Variants in PDXDC1 observed in about 807,000 individuals in gnomAD.
PDXDC1 encodes pyridoxal dependent decarboxylase domain containing 1.
PDXDC1 carries 42 observed loss-of-function variants against 100.1 expected under a neutral mutation model. That is an observed-to-expected ratio of 0.42 (90% CI 0.33 to 0.54). PDXDC1 has a LOEUF of 0.54. Among genes scored for constraint, PDXDC1 ranks in the 20% least tolerant of loss-of-function variants. The pLI is 0.10. For missense variants in PDXDC1, 636 were observed against 979.2 expected (o/e 0.65, Z 4.68); for synonymous variants, 260 against 371.7 (o/e 0.70, Z 3.46).
At chr16:15,047,638 C>G (rs2044129454) in intron 16 of PDXDC1, 2 of 1,053,336 alleles carry the variant, frequency 1.9e-6, no homozygotes, top group Admixed American at 3.4e-5. Flanking sequence ...TCCGGACCGC[C>G]TCATCTTTGA....
intron 19 of PDXDC1, among the ~76,000 whole-genome samples, chr16:15,033,780 C>T (rs1189254771): frequency 6.6e-6 from 1 of 152,196 alleles, no homozygotes; most frequent in Non-Finnish European, 1.5e-5. Context: ...TGTGGTTCCC[C>T]CTACACCCCT....
rs377019870 is a variant in PDXDC1, at chr16:15,047,201, A to T, written c.1399+17145A>T. On this transcript the variant is annotated intron_variant, in intron 16 of 16. Transcript: ENST00000535621. The stretch of plus-strand genomic sequence containing the variant: ...CCTCGACGTTCCTGAGACGACATCA[A>T]GTTCAAAGTCAAGCCTTCCATCTCA... The T allele has an allele frequency of 3.4e-5, 18 of 523,616 alleles. No homozygotes were observed. The South Asian group carries it at 4.0e-4, about 12-fold the overall frequency. The allele number at this position is 523,616 out of a possible 1,614,324, so 32.4% of individuals were successfully genotyped here.
intron 16 of PDXDC1, among the ~76,000 whole-genome samples, chr16:15,124,259 C>T (rs1416686558): frequency 6.6e-6 from 1 of 152,208 alleles, no homozygotes; most frequent in African/African-American, 2.4e-5. Context: ...TTTCCTGGCC[C>T]TGTCCTCAGC....
chr16:15,040,218 G>GA, downstream of PDXDC1: 1 of 445,926 alleles, frequency 2.2e-6, no homozygotes, highest in East Asian at 3.4e-5. Context: ...CCTGGAGGGG[G>GA]AAAATGCAAC....
At chr16:15,041,492 AG>A, downstream of PDXDC1, 1 of 760,098 alleles carries the variant, frequency 1.3e-6, no homozygotes, top group Admixed American at 1.8e-5. Context: ...ATCCCACCAC[AG>A]GAAGAGCCGG....
At chr16:15,091,558 C>T (rs1291895958) in intron 16 of PDXDC1, among the ~76,000 whole-genome samples, 1 of 151,258 alleles carries the variant, frequency 6.6e-6, no homozygotes, top group African/African-American at 2.4e-5. Context: ...AGCCAGAGGG[C>T]TTGGAAAAAG....
At position 15,098,539 on chromosome 16, in the gene PDXDC1, C is replaced by T. The variant is rs577535386; in HGVS notation, c.1400-40340C>T. 2.0e-5 allele frequency among the ~76,000 whole-genome samples: 3 copies of T among 152,050 alleles called. No homozygotes were observed. In the South Asian group the frequency reaches 6.2e-4, roughly 32 times the overall value. ...CTATTTAGAAATTGTTCATCTGGAT[C>T]CTCCCTACCTTTCAGCCATTTGCAA... is the stretch of plus-strand genomic sequence containing the variant. On this transcript the variant is annotated intron_variant, in intron 16 of 16. Transcript: ENST00000535621.
At chr16:15,039,946 A>C, downstream of PDXDC1, 1 of 1,421,142 alleles carries the variant, frequency 7.0e-7, no homozygotes. Context: ...TTAACCCCTT[A>C]ACAAAGATGA....
At chr16:15,011,001 C>T (rs1406775610) in intron 8 of PDXDC1, among the ~76,000 whole-genome samples, 2 of 152,414 alleles carry the variant, frequency 1.3e-5, no homozygotes, top group East Asian at 1.9e-4. Context: ...CAGTTCTTCC[C>T]AAACTAATCT....
chr16:15,125,631 A>C, intron 16 of PDXDC1: 2 of 1,197,566 alleles, frequency 1.7e-6, no homozygotes, highest in Non-Finnish European at 1.2e-6. Flanking sequence ...TCTGGAGTCC[A>C]AGCTGCGCCA....
intron 16 of PDXDC1, chr16:15,127,189 C>T (rs1410599697): frequency 1.2e-5 from 5 of 401,238 alleles, no homozygotes; most frequent in Admixed American, 3.4e-5. Flanking sequence ...TGCACAGCCG[C>T]GTGCTTGCTT....
intron 16 of PDXDC1, among the ~76,000 whole-genome samples, chr16:15,064,322 C>T (rs2044860730): frequency 6.6e-6 from 1 of 152,042 alleles, no homozygotes; most frequent in Admixed American, 6.6e-5. Flanking sequence ...ATTACAGGCG[C>T]CACCACCACA....
At chr16:14,991,555 GT>G (rs1970842806) in intron 1 of PDXDC1, among the ~76,000 whole-genome samples, 4 of 144,494 alleles carry the variant, frequency 2.8e-5, no homozygotes, top group Admixed American at 1.4e-4. Context: ...GTGACAGGTT[GT>G]TGCTCTGTCA....
rs1016917818 is a variant in PDXDC1 at position 15,136,164 on chromosome 16, G to A, written c.1400-2715G>A. 1,019 of 1,054,400 alleles carry A rather than the reference G, an allele frequency of 9.7e-4. 2 individuals are homozygous for A. The highest frequency in any genetic ancestry group is 1.9e-3 in the Admixed American group (97 of 50,568). The allele number at this position is 1,054,400 out of a possible 1,614,324, so 65.3% of individuals were successfully genotyped here. On this transcript the variant is annotated intron_variant, in intron 16 of 16. Transcript: ENST00000535621. ...CGGGTGTGGGATGCCAGGGGGCTCAGGGCACTCCTCCATCCTCCCACCCTC... is the reference window on the plus strand; with the variant it reads ...CGGGTGTGGGATGCCAGGGGGCTCAAGGCACTCCTCCATCCTCCCACCCTC...
chr16:15,098,200 A>ATT (rs35540128), intron 16 of PDXDC1, among the ~76,000 whole-genome samples: 16 of 112,750 alleles, frequency 1.4e-4, no homozygotes, highest in African/African-American at 5.7e-4. Flanking sequence ...GATATCTATG[A>ATT]TTTTTTTTTT....
chr16:15,003,023 A>G (rs1973486673), intron 4 of PDXDC1, among the ~76,000 whole-genome samples: 1 of 152,266 alleles, frequency 6.6e-6, no homozygotes. Flanking sequence ...CTTATTATTC[A>G]CAGTTAACAA....
chr16:15,077,202 C>T (rs1295741926), intron 16 of PDXDC1, among the ~76,000 whole-genome samples: 3 of 151,908 alleles, frequency 2.0e-5, no homozygotes, highest in Admixed American at 1.3e-4. Context: ...TGGTCTCGAA[C>T]TCCTGACCTC....
At position 15,061,715 on chromosome 16, in the gene PDXDC1, T is replaced by C. The variant is rs752427762; in HGVS notation, c.1399+31659T>C. The stretch of plus-strand genomic sequence containing the variant: ...ATGACAAGTGATGGGGAATCCCAAA[T>C]GTCACATCTCAGTCACAAATTTCTG... On this transcript the variant is annotated intron_variant, in intron 16 of 16. Transcript: ENST00000535621. 17 of 1,594,650 alleles carry C rather than the reference T, an allele frequency of 1.1e-5. 1 individual carries two copies. The East Asian group carries it at 1.8e-4, about 17-fold the overall frequency.
At position 15,036,147 on chromosome 16, in the gene PDXDC1, A is replaced by G. The variant is rs2043434386; in HGVS notation, c.2239A>G (p.Ser747Gly). 1 of 1,614,058 alleles carries G rather than the reference A, an allele frequency of 6.2e-7. No individual in the cohort carries two copies. Among genetic ancestry groups the G allele is most frequent in the Non-Finnish European group, 8.5e-7 (1 of 1,180,044 alleles). Residue 747 changes from serine to glycine, a missense_variant, in exon 23 of 23, where the codon AGC (serine) becomes GGC (glycine). Transcript: ENST00000396410. ...GCCGGAGCAGATCACCCTCGAGGCC[A>G]GCAGCACTGAGGGACACCCAGGGGC... ...SGPEQITLEA[S>G]STEGHPGAPS...
Sources: allele counts gnomAD v4.1 joint callset (sites outside exome capture counted in the v4.1 genomes callset), GRCh38; gene constraint gnomAD v4.1.1; transcripts MANE v1.5; gene names NCBI Gene and HGNC (gene_info 2026-07-23, HGNC 2026-07-21).